Variants in VRK2 observed in about 807,000 individuals in gnomAD.
VRK2 encodes serine/threonine-protein kinase VRK2.
In VRK2, 60 loss-of-function variants were observed where a neutral mutation model predicts 57.6. The ratio of observed to expected loss-of-function variants is 1.04; its 90% CI spans 0.85 to 1.29. The LOEUF (loss-of-function observed/expected upper bound fraction) is 1.29, where lower values mean the gene tolerates loss of function less well. VRK2 is among the 50% of genes most tolerant of loss of function. The probability of loss-of-function intolerance (pLI) is 0.00; values close to 1 mark genes in which losing one functional copy is unlikely to be tolerated. For synonymous variants in VRK2, 231 were observed against 199.2 expected (o/e 1.16, Z -1.35); for missense variants, 705 against 588.1 (o/e 1.20, Z -2.06).
chr2:57,934,043 G>A (rs981025096), intron 1 of VRK2, among the ~76,000 whole-genome samples: 3 of 152,070 alleles, frequency 2.0e-5, no homozygotes, highest in Non-Finnish European at 4.4e-5. Context: ...CCCAAACTTT[G>A]CATTCCATGT....
rs1671929451 is a variant in VRK2 at position 58,088,398 on chromosome 2, G to T, written c.402G>T (p.Gln134His). ...TAGATTTACAGAAGATCTCAGGCCA[G>T]AATGGTACCTTTAAAAAGTCAACTG... is the stretch of plus-strand genomic sequence containing the variant. ...LGIDLQKISG[Q>H]NGTFKKSTVL... Residue 134 changes from glutamine to histidine, a missense_variant, in exon 6 of 13, where the codon CAG becomes CAT. Physicochemically the swap from Gln to His is conservative, Grantham distance 24 (BLOSUM62 0). Coordinates refer to ENST00000340157, the MANE Select transcript of VRK2 (RefSeq NM_006296.7). 1 of 1,613,474 alleles carries T rather than the reference G, an allele frequency of 6.2e-7. No individual in the cohort carries two copies. The highest frequency in any genetic ancestry group is 1.3e-5 in the African/African-American group (1 of 74,922).
At chr2:58,151,564 A>G (rs750307031) in intron 12 of VRK2, among the ~76,000 whole-genome samples, 1 of 151,364 alleles carries the variant, frequency 6.6e-6, no homozygotes, top group Non-Finnish European at 1.5e-5. Context: ...TCATGTAACT[A>G]TATTTGCTCC....
At chr2:58,062,614 G>C (rs1385916281) in intron 2 of VRK2, among the ~76,000 whole-genome samples, 1 of 152,072 alleles carries the variant, frequency 6.6e-6, no homozygotes, top group Non-Finnish European at 1.5e-5. Context: ...GGTCTGGATA[G>C]AAGATCAAAC....
intron 10 of VRK2, among the ~76,000 whole-genome samples, chr2:58,138,292 GA>G (rs1252637656): frequency 6.6e-6 from 1 of 152,122 alleles, no homozygotes; most frequent in African/African-American, 2.4e-5. Context: ...GGGGCTGCAT[GA>G]AGCATCAGTT....
chr2:58,132,005 G>C lies in VRK2; in HGVS notation c.797+77G>C, dbSNP rs759984704. 3 of 1,543,062 alleles carry C rather than the reference G, an allele frequency of 1.9e-6. No individual in the cohort carries two copies. The East Asian group carries it at 7.0e-5, about 36-fold the overall frequency. On this transcript the variant is annotated intron_variant, in intron 9 of 12. Transcript: ENST00000340157. ...CATTAAAGGGAGCTAACAACACAGA[G>C]AAGATTGGCATTCACCCAACATGAC... is the stretch of plus-strand genomic sequence containing the variant.
chr2:57,922,454 T>TTGTGTGTGTGTG (rs59731064), intron 1 of VRK2, among the ~76,000 whole-genome samples: 53 of 147,060 alleles, frequency 3.6e-4, no homozygotes, highest in African/African-American at 5.7e-4. Flanking sequence ...AGTTACCTTC[T>TTGTGTGTGTGTG]TGTGTGTGTG....
intron 1 of VRK2, among the ~76,000 whole-genome samples, chr2:57,976,822 A>T (rs962038072): frequency 2.0e-5 from 3 of 152,138 alleles, no homozygotes; most frequent in African/African-American, 7.2e-5. Flanking sequence ...GGTATGTGCT[A>T]GATTGTCTTC....
intron 3 of VRK2, among the ~76,000 whole-genome samples, chr2:58,038,658 T>G (rs1674350570): frequency 6.6e-6 from 1 of 152,138 alleles, no homozygotes; most frequent in Admixed American, 6.6e-5. Context: ...ATTTCTTTTG[T>G]CTAGTCACTT....
intron 1 of VRK2, among the ~76,000 whole-genome samples, chr2:58,016,693 T>C (rs1673593648): frequency 6.6e-6 from 1 of 152,346 alleles, no homozygotes; most frequent in Non-Finnish European, 1.5e-5. Context: ...TGCATCTAAA[T>C]GCAATCTTTT....
At chr2:57,946,943 G>A (rs920012533) in intron 1 of VRK2, among the ~76,000 whole-genome samples, 10 of 152,112 alleles carry the variant, frequency 6.6e-5, no homozygotes, top group African/African-American at 2.4e-4. Flanking sequence ...TGATCTTCAT[G>A]AAGAAGTCTT....
chr2:57,955,984 G>T (rs1338303214), intron 1 of VRK2, among the ~76,000 whole-genome samples: 1 of 152,044 alleles, frequency 6.6e-6, no homozygotes, highest in Non-Finnish European at 1.5e-5. Flanking sequence ...GTTTAATGTA[G>T]AAATAAACTT....
intron 7 of VRK2, among the ~76,000 whole-genome samples, chr2:58,108,759 C>A (rs1381113627): frequency 1.3e-5 from 2 of 152,112 alleles, no homozygotes; most frequent in Non-Finnish European, 2.9e-5. Context: ...GTATATGTTA[C>A]CTCTAGGCCT....
chr2:58,028,903 AATATATATATATATATATAT>A (rs58729342), intron 2 of VRK2, among the ~76,000 whole-genome samples: 35 of 54,018 alleles, frequency 6.5e-4, no homozygotes, highest in African/African-American at 1.6e-3. Flanking sequence ...TAAATAAATA[AATATATATATATATATATAT>A]ATATATATAT....
Position 58,033,953 on chromosome 2 carries a change from C to T in VRK2, c.-6+400C>T, listed in dbSNP as rs539326405. On this transcript the variant is annotated intron_variant, in intron 3 of 15. Transcript: ENST00000417641. ...ATATCTTGTCTAGATCAACTCTTTC[C>T]TTTGTCATAGAAATAAAATAACTCA... Among the ~76,000 whole-genome samples, 166 of 152,102 alleles carry T rather than the reference C, an allele frequency of 1.1e-3. 2 individuals carry two copies. The highest frequency in any genetic ancestry group is 3.6e-3 in the African/African-American group (151 of 41,504).
intron 7 of VRK2, among the ~76,000 whole-genome samples, chr2:58,097,527 T>G (rs1249355416): frequency 6.6e-6 from 1 of 152,172 alleles, no homozygotes; most frequent in Admixed American, 6.5e-5. Flanking sequence ...CTGTACTGTT[T>G]GGTTAAAAAT....
chr2:58,049,740 A>G (rs1470302932), intron 2 of VRK2, among the ~76,000 whole-genome samples: 1 of 152,214 alleles, frequency 6.6e-6, no homozygotes, highest in Non-Finnish European at 1.5e-5. Context: ...TTGAGATCAC[A>G]TCTATTTCTA....
At chr2:57,956,359 T>G (rs554868089) in intron 1 of VRK2, among the ~76,000 whole-genome samples, 10 of 152,298 alleles carry the variant, frequency 6.6e-5, no homozygotes, top group Middle Eastern at 3.4e-3. Context: ...CATTCCAGCC[T>G]GAGTAACAGA....
At position 58,131,875 on chromosome 2, in the gene VRK2, TC is replaced by T. The variant is rs35136457; in HGVS notation, c.747del (p.Trp250GlyfsTer5). On this transcript the variant is annotated frameshift_variant, in exon 9 of 13. Transcript: ENST00000340157. LOFTEE classifies it high-confidence loss of function. ...CMLRWLCGKL[P>X]WEQNLKDPVA... ...TGCTGCGGTGGTTGTGTGGGAAACTTCCCTGGGAACAGAACCTGAAGGACCC... is the reference window on the plus strand; with the variant it reads ...TGCTGCGGTGGTTGTGTGGGAAACTTCCTGGGAACAGAACCTGAAGGACCC... The T allele has an allele frequency of 6.2e-7, 1 of 1,614,026 alleles. No homozygotes were observed. Among genetic ancestry groups the T allele is most frequent in the South Asian group, 1.1e-5 (1 of 91,070 alleles).
intron 1 of VRK2, among the ~76,000 whole-genome samples, chr2:57,988,917 T>C (rs1672679893): frequency 6.6e-6 from 1 of 152,212 alleles, no homozygotes; most frequent in African/African-American, 2.4e-5. Flanking sequence ...AAACCCCATA[T>C]TTATGCAAAA....
Sources: gnomAD v4.1 joint callset for allele counts (sites outside exome capture counted in the v4.1 genomes callset) on GRCh38, gnomAD v4.1.1 for gene constraint, MANE v1.5 for transcripts, NCBI Gene and HGNC (gene_info 2026-07-23, HGNC 2026-07-21) for gene names.